UBE2Q2: variants seen among roughly 807,000 people sequenced by gnomAD.
UBE2Q2 encodes the protein ubiquitin-conjugating enzyme E2 Q2.
In UBE2Q2, 54 loss-of-function variants were observed where a neutral mutation model predicts 59.9. That is an observed-to-expected ratio of 0.90 (90% CI 0.72 to 1.13). UBE2Q2 has a LOEUF of 1.13. UBE2Q2 is among the 50% of genes most tolerant of loss of function. The pLI is 0.00. For synonymous variants in UBE2Q2, 165 were observed against 155.2 expected, an observed-to-expected ratio of 1.06 and a Z score of -0.47; for missense variants, 433 against 441.9, an observed-to-expected ratio of 0.98 and a Z score of 0.18.
chr15:75,849,767 T>A (rs540735045), intron 1 of UBE2Q2, among the ~76,000 whole-genome samples: 1 of 152,310 alleles, frequency 6.6e-6, no homozygotes, highest in East Asian at 1.9e-4. Context: ...ACCTGAGTAA[T>A]TAGATGCTTA....
rs1898069480 is a variant in UBE2Q2 at position 75,876,187 on chromosome 15, G to C, written c.589G>C (p.Gly197Arg). ...RKTQRQDHLN[G>R]AVSGSVQASD... ...GTAAACAGTGGCTTTTGTGTTTCAG[G>C]GTGCAGTGTCTGGGTCAGTGCAAGC... Residue 197 changes from glycine to arginine, a missense_variant and splice_region_variant, in exon 6 of 13, where the codon GGT becomes CGT. Physicochemically the swap from Gly to Arg is moderately radical, Grantham distance 125. Transcript: ENST00000267938. 6.2e-7 allele frequency: 1 copy of C among 1,613,706 alleles called. No homozygotes were observed. Among genetic ancestry groups the C allele is most frequent in the African/African-American group, 1.3e-5 (1 of 74,844 alleles).
At chr15:75,871,800 G>T (rs1333792145) in intron 4 of UBE2Q2, among the ~76,000 whole-genome samples, 3 of 152,232 alleles carry the variant, frequency 2.0e-5, no homozygotes, top group Non-Finnish European at 2.9e-5. Context: ...GTAACAGGCT[G>T]ATCTGTCTTG....
chr15:75,873,607 G>GT, intron 5 of UBE2Q2, 39 bp downstream of exon 5: 1 of 1,579,272 alleles, frequency 6.3e-7, no homozygotes, highest in South Asian at 1.2e-5. Context: ...GACTTTTGTG[G>GT]TTAAATAATT....
chr15:75,871,921 CAGAAAA>C (rs1356117950), intron 4 of UBE2Q2, among the ~76,000 whole-genome samples: 3 of 151,892 alleles, frequency 2.0e-5, no homozygotes, highest in Non-Finnish European at 4.4e-5. Flanking sequence ...GATTAATACT[CAGAAAA>C]AGAAATTTCG....
intron 1 of UBE2Q2, chr15:75,844,137 C>A: frequency 7.0e-7 from 1 of 1,421,420 alleles, no homozygotes; most frequent in Non-Finnish European, 9.2e-7. Flanking sequence ...TCCGCGGCGG[C>A]CCAAGCCCTT....
At chr15:75,859,101 CAATG>C (rs1272419902) in intron 2 of UBE2Q2, among the ~76,000 whole-genome samples, 2 of 152,184 alleles carry the variant, frequency 1.3e-5, no homozygotes. Context: ...ACATTTTAAA[CAATG>C]AACACCATAC....
At chr15:75,853,424 T>C (rs1896736349) in intron 1 of UBE2Q2, among the ~76,000 whole-genome samples, 1 of 148,546 alleles carries the variant, frequency 6.7e-6, no homozygotes, top group Non-Finnish European at 1.5e-5. Context: ...TGAGCCGAGA[T>C]TGTGCCATGC....
intron 4 of UBE2Q2, among the ~76,000 whole-genome samples, chr15:75,870,594 G>A (rs1014645802): frequency 2.0e-5 from 3 of 152,156 alleles, no homozygotes; most frequent in Admixed American, 2.0e-4. Context: ...GCCGCAACAT[G>A]GAGGGAAACC....
chr15:75,843,534 G>A lies in UBE2Q2; in HGVS notation c.-133G>A. On this transcript the variant is annotated 5_prime_UTR_variant, in exon 1 of 13. Transcript: ENST00000267938. ...TCGCCATTTTCCAGCAGCGCTCGACGAGGCGGAGCCGCGAGAGCGCGGCCC... is the reference window on the plus strand; with the variant it reads ...TCGCCATTTTCCAGCAGCGCTCGACAAGGCGGAGCCGCGAGAGCGCGGCCC... 2.0e-6 allele frequency: 1 copy of A among 503,906 alleles called. No individual in the cohort carries two copies. Among genetic ancestry groups the A allele is most frequent in the Non-Finnish European group, 2.9e-6 (1 of 342,732 alleles). 31.2% of individuals were successfully genotyped at this position (503,906 alleles called of 1,614,324 possible). A position where few individuals can be genotyped will look rare whatever the true frequency, so the allele number is the denominator to read the frequency against.
intron 5 of UBE2Q2, among the ~76,000 whole-genome samples, chr15:75,873,947 G>C (rs1332679282): frequency 6.6e-6 from 1 of 152,014 alleles, no homozygotes; most frequent in Non-Finnish European, 1.5e-5. Flanking sequence ...CTCCCATCTT[G>C]GCCTCCGAAA....
intron 1 of UBE2Q2, chr15:75,844,577 C>T: frequency 7.3e-7 from 1 of 1,378,806 alleles, no homozygotes; most frequent in Non-Finnish European, 9.8e-7. Flanking sequence ...GGGCTGCTCC[C>T]CGGAAAGATC....
Position 75,878,675 on chromosome 15 carries a change from T to G in UBE2Q2, c.735-423T>G, listed in dbSNP as rs537143377. Among the ~76,000 whole-genome samples the G allele has an allele frequency of 7.9e-5, 12 of 151,616 alleles. 1 individual carries two copies. Among genetic ancestry groups the G allele is most frequent in the Middle Eastern group, 3.4e-3 (1 of 294 alleles). ...ATTAGACCTGTATATATAGGACAGT[T>G]GTAGACAAATACAGGTTTTTTTAGT... On this transcript the variant is annotated intron_variant, in intron 7 of 12. Coordinates refer to ENST00000267938, the MANE Select transcript of UBE2Q2 (RefSeq NM_173469.4).
chr15:75,853,648 A>G (rs1390366721), intron 1 of UBE2Q2, among the ~76,000 whole-genome samples: 1 of 152,150 alleles, frequency 6.6e-6, no homozygotes, highest in Non-Finnish European at 1.5e-5. Context: ...TTATCAGCTT[A>G]AAGCAACAAA....
chr15:75,878,270 G>C, intron 7 of UBE2Q2: 1 of 453,274 alleles, frequency 2.2e-6, no homozygotes, highest in Non-Finnish European at 3.9e-6. Flanking sequence ...TAGAGCAGGG[G>C]AACTTAAAAA....
At position 75,876,256 on chromosome 15, in the gene UBE2Q2, C is replaced by G. The variant is rs201578261; in HGVS notation, c.658C>G (p.Gln220Glu). 8 of 1,613,658 alleles carry G rather than the reference C, an allele frequency of 5.0e-6. No individual in the cohort carries two copies. Among genetic ancestry groups the G allele is most frequent in the Non-Finnish European group, 6.8e-6 (8 of 1,179,694 alleles). ...AGAGCTCAGGGACATATACAGATCA[C>G]AGAGTTATAAAACAGGTAAGGATCT... is the stretch of plus-strand genomic sequence containing the variant. ...MKELRDIYRS[Q>E]SYKTGIYSVE... Residue 220 changes from glutamine (Q) to glutamate (E), a missense_variant, in exon 6 of 13, where the codon CAG (glutamine) becomes GAG (glutamate). Transcript: ENST00000267938.
intron 4 of UBE2Q2, among the ~76,000 whole-genome samples, chr15:75,870,668 C>T (rs776504773): frequency 3.3e-5 from 5 of 152,206 alleles, no homozygotes; most frequent in East Asian, 1.9e-4. Flanking sequence ...ATATTCTAGG[C>T]TCCTAAAATA....
chr15:75,846,052 T>C (rs1026563044), intron 1 of UBE2Q2, among the ~76,000 whole-genome samples: 6 of 152,206 alleles, frequency 3.9e-5, no homozygotes, highest in Non-Finnish European at 7.3e-5. Flanking sequence ...GCTAACTTTT[T>C]ATTATGGAAA....
intron 10 of UBE2Q2, 131 bp from the exon 11 acceptor site, chr15:75,890,788 A>G: frequency 1.3e-6 from 1 of 780,518 alleles, no homozygotes; most frequent in East Asian, 2.6e-5. Flanking sequence ...TTCCAATTTT[A>G]CTTTTTCCCC....
chr15:75,884,522 T>G (rs1467856076), intron 9 of UBE2Q2, among the ~76,000 whole-genome samples: 7 of 152,228 alleles, frequency 4.6e-5, no homozygotes, highest in African/African-American at 1.7e-4. Flanking sequence ...AGAATAGTTA[T>G]TTGGGCATGG....
Sources: gnomAD v4.1 joint callset for allele counts (sites outside exome capture counted in the v4.1 genomes callset) on GRCh38, gnomAD v4.1.1 for gene constraint, MANE v1.5 for transcripts, NCBI Gene and HGNC (gene_info 2026-07-23, HGNC 2026-07-21) for gene names.